The following PCARE variants were observed in gnomAD, a reference collection of about 807,000 sequenced individuals.
The protein encoded by PCARE is uncharacterized protein C2orf71.
Under a neutral mutation model 82.2 loss-of-function variants are expected in PCARE, and 72 were observed. That is an observed-to-expected ratio of 0.88 (90% CI 0.72 to 1.07). The LOEUF (loss-of-function observed/expected upper bound fraction) is 1.07, where lower values mean the gene tolerates loss of function less well. Among genes scored for constraint, PCARE ranks in the 50% least tolerant of loss-of-function variants. The pLI is 0.00. For missense variants in PCARE, 1,768 were observed against 1,592.4 expected, an observed-to-expected ratio of 1.11 and a Z score of -1.88; for synonymous variants, 705 against 634.8, an observed-to-expected ratio of 1.11 and a Z score of -1.66.
rs772647209 is a variant in PCARE at position 29,071,730 on chromosome 2, A to G, written c.2532T>C (p.Ala844=). The G allele has an allele frequency of 4.3e-6, 7 of 1,613,860 alleles. No individual in the cohort carries two copies. The South Asian group carries it at 7.7e-5, about 18-fold the overall frequency. ...TGCTGCTTTCTGGGGACTCCAGAGA[A>G]GCGAATGATTTGTCCATCAGAACTT... ...PMEVLMDKSF[A]SLESPESSKS... Residue 844 remains alanine, a synonymous_variant, in exon 1 of 2, where the codon GCT becomes GCC. Transcript: ENST00000331664.
Position 29,071,368 on chromosome 2 carries a change from G to A in PCARE, c.2894C>T (p.Pro965Leu). 1 of 1,613,750 alleles carries A rather than the reference G, an allele frequency of 6.2e-7. No homozygotes were observed. The change falls in exon 1 of 2, where the codon CCT becomes CTT. Residue 965 changes from proline to leucine, a missense_variant. By Grantham distance (98) the Pro-to-Leu change is moderately conservative. Coordinates refer to ENST00000331664, the MANE Select transcript of PCARE (RefSeq NM_001029883.3). ...TGAGGTCCTGTTTTGTCCAGATGGA[G>A]GGCCGGAGTGGTGCCAGGCGATGGC... is the stretch of plus-strand genomic sequence containing the variant. ...RKAIAWHHSG[P>L]PSGQNRTSES...
rs762113359 is a variant in PCARE at position 29,071,736 on chromosome 2, T to C, written c.2526A>G (p.Ser842=). 1.9e-6 allele frequency: 3 copies of C among 1,613,826 alleles called. No individual in the cohort carries two copies. The highest frequency in any genetic ancestry group is 1.7e-6 in the Non-Finnish European group (2 of 1,179,824). The change falls in exon 1 of 2, where the codon TCA becomes TCG. Residue 842 remains serine (S), a synonymous_variant. Transcript: ENST00000331664. ...TTTCTGGGGACTCCAGAGAAGCGAA[T>C]GATTTGTCCATCAGAACTTCCATAG... ...PPPMEVLMDK[S]FASLESPESS...
Position 29,071,027 on chromosome 2 carries a change from C to G in PCARE, c.3235G>C (p.Glu1079Gln), listed in dbSNP as rs750727544. ...KVPSPPTQHP[E>Q]ASPPFSIPSP... ...GGAATCGAGAAAGGGGGGCTTGCTT[C>G]TGGGTGCTGGGTTGGGGGGCTGGGG... Residue 1079 changes from glutamate to glutamine, a missense_variant, in exon 1 of 2, where the codon GAA (glutamate) becomes CAA (glutamine). Transcript: ENST00000331664. 6.4e-7 allele frequency: 1 copy of G among 1,554,750 alleles called. No homozygotes were observed. The highest frequency in any genetic ancestry group is 1.1e-5 in the South Asian group (1 of 89,660).
In PCARE at chr2:29,072,659, G is replaced by C. The variant is rs912234925; in HGVS notation, c.1603C>G (p.Leu535Val). The change falls in exon 1 of 2, where the codon CTC (leucine) becomes GTC (valine). Residue 535 changes from leucine (L) to valine (V), a missense_variant. Transcript: ENST00000331664. Reference sequence around the variant, plus strand: ...TTCAGAATCATTTCCTGGGCCTGGAGGCTCCTAAGCCTCCTGGTGCGGGCC... The same window carrying C: ...TTCAGAATCATTTCCTGGGCCTGGACGCTCCTAAGCCTCCTGGTGCGGGCC... ...FQARTRRLRS[L>V]QAQEMILKMK... 1.2e-6 allele frequency: 2 copies of C among 1,614,050 alleles called. No homozygotes were observed. Among genetic ancestry groups the C allele is most frequent in the African/African-American group, 2.7e-5 (2 of 75,058 alleles).
In PCARE at chr2:29,073,232, G is replaced by T; in HGVS notation, c.1030C>A (p.Pro344Thr). 1 of 1,614,030 alleles carries T rather than the reference G, an allele frequency of 6.2e-7. No homozygotes were observed. Among genetic ancestry groups the T allele is most frequent in the Non-Finnish European group, 8.5e-7 (1 of 1,179,962 alleles). ...ATGCCACTGTCCTCAGAGCATAAGG[G>T]GAGACCCTGCACCCCAGGGTCGCCA... Reference protein sequence around the residue: ...GCGDPGVQGLPLCSEDSGIGA... With the variant: ...GCGDPGVQGLTLCSEDSGIGA... The change falls in exon 1 of 2, where the codon CCC (proline) becomes ACC (threonine). Residue 344 changes from proline (P) to threonine (T), a missense_variant. Coordinates refer to ENST00000331664, the MANE Select transcript of PCARE (RefSeq NM_001029883.3).
chr2:29,073,950 G>T lies in PCARE; in HGVS notation c.312C>A (p.Asn104Lys). Residue 104 changes from asparagine to lysine, a missense_variant, in exon 1 of 2, where the codon AAC becomes AAA. Physicochemically the swap from Asn to Lys is moderately conservative, Grantham distance 94 (BLOSUM62 0). Coordinates refer to ENST00000331664, the MANE Select transcript of PCARE (RefSeq NM_001029883.3). ...CCTTAGCCATGTGGCTTTGTGATTT[G>T]TTCAGCTGGGATGAAGAGGTTTTGG... ...PGTKTSSSQL[N>K]KSQSHMAKDI... 1 of 1,614,214 alleles carries T rather than the reference G, an allele frequency of 6.2e-7. No homozygotes were observed. The highest frequency in any genetic ancestry group is 8.5e-7 in the Non-Finnish European group (1 of 1,180,034).
chr2:29,071,557 T>C lies in PCARE; in HGVS notation c.2705A>G (p.Lys902Arg), dbSNP rs774991414. 21 of 1,610,442 alleles carry C rather than the reference T, an allele frequency of 1.3e-5. No homozygotes were observed. The South Asian group carries it at 1.9e-4, about 14-fold the overall frequency. Residue 902 changes from lysine to arginine, a missense_variant, in exon 1 of 2, where the codon AAG becomes AGG. By Grantham distance (26) the Lys-to-Arg change is conservative. Coordinates refer to ENST00000331664, the MANE Select transcript of PCARE (RefSeq NM_001029883.3). Reference sequence around the variant, plus strand: ...ACTCCCTGGCCCTGTGCTGTGAGGCTTGGTCAGGCTGGCGGTGCTCTTGCT... The same window carrying C: ...ACTCCCTGGCCCTGTGCTGTGAGGCCTGGTCAGGCTGGCGGTGCTCTTGCT... ...LPSKSTASLT[K>R]PHSTGPGSGR...
In PCARE at chr2:29,071,215, T is replaced by TAAGAGGAGGGAAGGC. The variant is rs1293436955; in HGVS notation, c.3032_3046dup (p.Ser1015_Tyr1016insCysLeuProSerSer). The TAAGAGGAGGGAAGGC allele has an allele frequency of 1.6e-5, 25 of 1,607,216 alleles. No individual in the cohort carries two copies. In the African/African-American group the frequency reaches 2.8e-4, roughly 18 times the overall value. ...AGAGGGGCTTGGCTGGGCAGGTCTG[T>TAAGAGGAGGGAAGGC]AAGAGGAGGGAAGGCTCCGGCGCCT... is the stretch of plus-strand genomic sequence containing the variant. On this transcript the variant is annotated inframe_insertion, in exon 1 of 2. Transcript: ENST00000331664.
rs1667347125 is a variant in PCARE, at chr2:29,063,857, A to G, written c.*1012T>C. 1 of 152,426 alleles carries G rather than the reference A, an allele frequency of 6.6e-6. No homozygotes were observed. The highest frequency in any genetic ancestry group is 1.5e-5 in the Non-Finnish European group (1 of 68,046). The allele number at this position is 152,426 out of a possible 1,614,324, so 9.4% of individuals were successfully genotyped here. ...GTTCTGCAAGATGACCTGGGAATAA[A>G]GTTGGCCAAGAAGCCTCCGAGGGGA... On this transcript the variant is annotated 3_prime_UTR_variant, in exon 2 of 2. Transcript: ENST00000331664.
rs1378325275 is a variant in PCARE, at chr2:29,071,480, G to C, written c.2782C>G (p.Pro928Ala). The change falls in exon 1 of 2, where the codon CCA becomes GCA. Residue 928 changes from proline (P) to alanine (A), a missense_variant. Transcript: ENST00000331664. ...ACCTCGGGGCTTTGGCTGGTGGCTG[G>C]TGGGCTGCTCAGGTCCAGGGCTGGC... Reference protein sequence around the residue: ...RKPALDLSSPPATSQSPEVKG... With the variant: ...RKPALDLSSPAATSQSPEVKG... 1 of 1,611,628 alleles carries C rather than the reference G, an allele frequency of 6.2e-7. No homozygotes were observed. Among genetic ancestry groups the C allele is most frequent in the Non-Finnish European group, 8.5e-7 (1 of 1,179,972 alleles).
At position 29,074,021 on chromosome 2, in the gene PCARE, G is replaced by T; in HGVS notation, c.241C>A (p.Pro81Thr). ...ATATCTTTCCTTTTGCCTGAAGCAG[G>T]ATCTCCCATGAGCTGACAAAGACCT... ...AKGLCQLMGD[P>T]ASGKRKDMEG... The change falls in exon 1 of 2, where the codon CCT becomes ACT. Residue 81 changes from proline to threonine, a missense_variant. Physicochemically the swap from Pro to Thr is conservative, Grantham distance 38. Coordinates refer to ENST00000331664, the MANE Select transcript of PCARE (RefSeq NM_001029883.3). 1 of 1,614,158 alleles carries T rather than the reference G, an allele frequency of 6.2e-7. No homozygotes were observed. Among genetic ancestry groups the T allele is most frequent in the Non-Finnish European group, 8.5e-7 (1 of 1,180,026 alleles).
Position 29,064,579 on chromosome 2 carries a change from C to A in PCARE, c.*290G>T. On this transcript the variant is annotated 3_prime_UTR_variant, in exon 2 of 2. Transcript: ENST00000331664. ...AAGCATGCAACTATACATTCTCCAC[C>A]CCCCACCCCACCCCAAATTAAGGCC... 1.8e-6 allele frequency: 1 copy of A among 562,908 alleles called. No homozygotes were observed. Among genetic ancestry groups the A allele is most frequent in the Non-Finnish European group, 3.2e-6 (1 of 313,474 alleles). The allele number at this position is 562,908 out of a possible 1,614,324, so 34.9% of individuals were successfully genotyped here.
In PCARE at chr2:29,070,934, C is replaced by T. The variant is rs759887640; in HGVS notation, c.3328G>A (p.Ala1110Thr). 3.1e-6 allele frequency: 5 copies of T among 1,612,690 alleles called. No homozygotes were observed. The highest frequency in any genetic ancestry group is 2.2e-5 in the East Asian group (1 of 44,818). Residue 1110 changes from alanine to threonine, a missense_variant, in exon 1 of 2, where the codon GCA (alanine) becomes ACA (threonine). Transcript: ENST00000331664. ...KETRDSEDSQ[A>T]VIAKVSGNTH... ...TTCCCAGACACTTTGGCTATGACTG[C>T]TTGGCTGTCTTCAGAGTCTCTTGTT...
At position 29,070,968 on chromosome 2, in the gene PCARE, C is replaced by T; in HGVS notation, c.3294G>A (p.Glu1098=). Residue 1098 remains glutamate (E), a synonymous_variant, in exon 1 of 2, where the codon GAG becomes GAA. Coordinates refer to ENST00000331664, the MANE Select transcript of PCARE (RefSeq NM_001029883.3). Reference sequence around the variant, plus strand: ...CTTCAGAGTCTCTTGTTTCCTTGTGCTCCTGAGAAGGGGACATTGGGGGTG... The same window carrying T: ...CTTCAGAGTCTCTTGTTTCCTTGTGTTCCTGAGAAGGGGACATTGGGGGTG... ...SPSPPMSPSQ[E]HKETRDSEDS... 1.2e-6 allele frequency: 2 copies of T among 1,611,584 alleles called. No homozygotes were observed. The highest frequency in any genetic ancestry group is 1.7e-6 in the Non-Finnish European group (2 of 1,179,828).
chr2:29,074,401 C>T lies in PCARE; in HGVS notation c.-140G>A. On this transcript the variant is annotated 5_prime_UTR_variant, in exon 1 of 2. Transcript: ENST00000331664. ...TCTTTGAAGTCCATGGTACAATATC[C>T]TAAACTTGGAACCAGCTTTCTTTAT... is the stretch of plus-strand genomic sequence containing the variant. The T allele has an allele frequency of 1.2e-6, 1 of 857,828 alleles. No individual in the cohort carries two copies. The highest frequency in any genetic ancestry group is 1.7e-6 in the Non-Finnish European group (1 of 581,860). 53.1% of individuals were successfully genotyped at this position (857,828 alleles called of 1,614,324 possible). A position where few individuals can be genotyped will look rare whatever the true frequency, so the allele number is the denominator to read the frequency against.
chr2:29,069,856 G>T lies in PCARE; in HGVS notation c.3668+738C>A, dbSNP rs1028810013. Among the ~76,000 whole-genome samples, 5 of 152,056 alleles carry T rather than the reference G, an allele frequency of 3.3e-5. No individual in the cohort carries two copies. The East Asian group carries it at 9.7e-4, about 29-fold the overall frequency. On this transcript the variant is annotated intron_variant, in intron 1 of 1. Transcript: ENST00000331664. Reference sequence around the variant, plus strand: ...GCCTCCACACGCAAAGGCTCTTTTGGGCTCTTAATAACTTTAAAGGGTTTA... The same window carrying T: ...GCCTCCACACGCAAAGGCTCTTTTGTGCTCTTAATAACTTTAAAGGGTTTA...
At position 29,064,773 on chromosome 2, in the gene PCARE, T is replaced by G. The variant is rs932793645; in HGVS notation, c.*96A>C. ...CTTTCCAGGACACCTCAGTAGGAGT[T>G]TGGTTTGCCCATCATCTCTGGGTCA... On this transcript the variant is annotated 3_prime_UTR_variant, in exon 2 of 2. Transcript: ENST00000331664. 3.3e-6 allele frequency: 5 copies of G among 1,518,794 alleles called. No individual in the cohort carries two copies. Among genetic ancestry groups the G allele is most frequent in the Non-Finnish European group, 4.5e-6 (5 of 1,114,650 alleles). The allele number at this position is 1,518,794 out of a possible 1,614,324, so 94.1% of individuals were successfully genotyped here. A position where few individuals can be genotyped will look rare whatever the true frequency, so the allele number is the denominator to read the frequency against.
chr2:29,065,872 C>A (rs779028208), intron 1 of PCARE, among the ~76,000 whole-genome samples: 1 of 152,192 alleles, frequency 6.6e-6, no homozygotes, highest in Non-Finnish European at 1.5e-5. Context: ...ATAGGCCGGG[C>A]GTGCTGGCTC....
At chr2:29,065,176 A>C in intron 1 of PCARE, 109 bp from the exon 2 acceptor site, 1 of 1,289,522 alleles carries the variant, frequency 7.8e-7, no homozygotes, top group Non-Finnish European at 1.1e-6. Context: ...GCCCTCTCCC[A>C]CAAGCCTGTT....
Sources: allele counts gnomAD v4.1 joint callset (sites outside exome capture counted in the v4.1 genomes callset), GRCh38; gene constraint gnomAD v4.1.1; transcripts MANE v1.5; gene names NCBI Gene and HGNC (gene_info 2026-07-23, HGNC 2026-07-21).